The following COBL variants were observed in gnomAD, a reference collection of about 807,000 sequenced individuals.
COBL encodes cordon-bleu WH2 repeat protein.
In COBL, 51 loss-of-function variants were observed where a neutral mutation model predicts 98.8. The observed-to-expected ratio is 0.52, with a 90% confidence interval of 0.41 to 0.65. The LOEUF (loss-of-function observed/expected upper bound fraction) is 0.65. Ranked by LOEUF, COBL falls within the 30% of genes least tolerant of loss-of-function variation. The probability of loss-of-function intolerance (pLI) is 0.00; values close to 1 mark genes in which losing one functional copy is unlikely to be tolerated. For synonymous variants in COBL, 634 were observed against 651.7 expected (o/e 0.97, Z 0.41); for missense variants, 1,617 against 1,617.5 (o/e 1.00, Z 0.01).
chr7:51,194,645 G>A (rs750029382), intron 2 of COBL, among the ~76,000 whole-genome samples: 5 of 152,050 alleles, frequency 3.3e-5, no homozygotes, highest in African/African-American at 7.2e-5. Flanking sequence ...ACTTTTTCAT[G>A]ATAGCCCTTC....
intron 4 of COBL, among the ~76,000 whole-genome samples, chr7:51,186,039 G>C (rs1789467933): frequency 6.6e-6 from 1 of 152,256 alleles, no homozygotes; most frequent in African/African-American, 2.4e-5. Flanking sequence ...ACTGCAACAT[G>C]GTGCAGCAGC....
At chr7:51,263,394 C>T (rs1357669896) in intron 1 of COBL, among the ~76,000 whole-genome samples, 1 of 152,166 alleles carries the variant, frequency 6.6e-6, no homozygotes, top group Non-Finnish European at 1.5e-5. Context: ...ATATGTTTCA[C>T]AAACTGCTTT....
intron 5 of COBL, among the ~76,000 whole-genome samples, chr7:51,170,933 ATAAT>A (rs747674423): frequency 7.9e-5 from 12 of 152,180 alleles, no homozygotes; most frequent in Non-Finnish European, 1.8e-4. Context: ...CCACAAGGAA[ATAAT>A]TAATGTTTGA....
chr7:51,259,795 G>C, intron 1 of COBL: 1 of 751,616 alleles, frequency 1.3e-6, no homozygotes, highest in Admixed American at 1.7e-5. Context: ...TTAGGTTCTG[G>C]GGGGTGACTT....
rs564596741 is a variant in COBL, at chr7:51,021,985, T to C, written c.3768+3124A>G. Among the ~76,000 whole-genome samples, 14 of 152,278 alleles carry C rather than the reference T, an allele frequency of 9.2e-5. No individual in the cohort carries two copies. The South Asian group carries it at 2.5e-3, about 27-fold the overall frequency. ...GCACCTGAGTCTCCCTGATGAATGCTGAACAGAGGCCAGGAGGGCAGGTCG... is the reference window on the plus strand; with the variant it reads ...GCACCTGAGTCTCCCTGATGAATGCCGAACAGAGGCCAGGAGGGCAGGTCG... On this transcript the variant is annotated intron_variant, in intron 12 of 12. Coordinates refer to ENST00000265136, the MANE Select transcript of COBL (RefSeq NM_015198.5).
chr7:51,131,606 T>C (rs1390976293), intron 6 of COBL, among the ~76,000 whole-genome samples: 3 of 151,606 alleles, frequency 2.0e-5, no homozygotes, highest in East Asian at 1.9e-4. Flanking sequence ...TTTTTTTTTT[T>C]TTTCTGAAAT....
intron 1 of COBL, among the ~76,000 whole-genome samples, chr7:51,298,877 C>A (rs1243995100): frequency 6.6e-6 from 1 of 152,222 alleles, no homozygotes; most frequent in African/African-American, 2.4e-5. Flanking sequence ...GCTCTGAGGT[C>A]AAATCCACTT....
Position 51,209,330 on chromosome 7 carries a change from T to G in COBL, c.245+10411A>C, listed in dbSNP as rs184534741. 5.3e-5 allele frequency among the ~76,000 whole-genome samples: 8 copies of G among 152,196 alleles called. No individual in the cohort carries two copies. The East Asian group carries it at 1.5e-3, about 29-fold the overall frequency. ...CCTCATCCACTCTCCAGGAAGTGAT[T>G]AAGGAAGAGCAGGTGCCAGTAAGGA... On this transcript the variant is annotated intron_variant, in intron 2 of 12. Transcript: ENST00000265136.
In COBL at chr7:51,028,376, G is replaced by C. The variant is rs1165786224; in HGVS notation, c.2720C>G (p.Pro907Arg). 1 of 1,614,284 alleles carries C rather than the reference G, an allele frequency of 6.2e-7. No individual in the cohort carries two copies. The highest frequency in any genetic ancestry group is 2.2e-5 in the East Asian group (1 of 44,886). Residue 907 changes from proline to arginine, a missense_variant, in exon 10 of 13, where the codon CCT becomes CGT. Physicochemically the swap from Pro to Arg is moderately radical, Grantham distance 103. This residue lies in a region of COBL where 1,304 missense variants were observed against 1,282.0 expected (regional missense o/e 1.02). Transcript: ENST00000265136. Reference protein sequence around the residue: ...AGKAPVLAAPPVTVKDDRTSS... With the variant: ...AGKAPVLAAPRVTVKDDRTSS... The stretch of plus-strand genomic sequence containing the variant: ...TGTCCTGTCATCTTTCACAGTGACA[G>C]GTGGTGCAGCCAGCACTGGCGCCTT...
intron 1 of COBL, 140 bp from the exon 2 acceptor site, chr7:51,220,084 C>T (rs778469324): frequency 7.1e-6 from 5 of 701,214 alleles, no homozygotes; most frequent in Non-Finnish European, 1.2e-5. Flanking sequence ...CAATGTCCCC[C>T]AAACAAGTAA....
intron 12 of COBL, among the ~76,000 whole-genome samples, chr7:51,019,700 CAA>C (rs1407209203): frequency 1.3e-5 from 2 of 152,280 alleles, no homozygotes; most frequent in Non-Finnish European, 2.9e-5. Context: ...CAGTCACACG[CAA>C]AGAGTCTGCA....
At position 51,028,455 on chromosome 7, in the gene COBL, C is replaced by A; in HGVS notation, c.2641G>T (p.Val881Phe). The A allele has an allele frequency of 6.2e-7, 1 of 1,614,276 alleles. No homozygotes were observed. The highest frequency in any genetic ancestry group is 8.5e-7 in the Non-Finnish European group (1 of 1,180,054). The stretch of plus-strand genomic sequence containing the variant: ...TGTGGCCTCACCACATCAGCATGGA[C>A]TTTTGGGGCTCCTATGCGCTTGGCA... ...AIAKRIGAPKVHADVVRPHGY... is the reference protein window; with the variant it reads ...AIAKRIGAPKFHADVVRPHGY... Residue 881 changes from valine to phenylalanine, a missense_variant, in exon 10 of 13, where the codon GTC becomes TTC. Physicochemically the swap from Val to Phe is conservative, Grantham distance 50. This residue lies in a region of COBL where 1,304 missense variants were observed against 1,282.0 expected (regional missense o/e 1.02). Transcript: ENST00000265136.
At chr7:51,156,374 C>T in intron 5 of COBL, 1 of 985,350 alleles carries the variant, frequency 1.0e-6, no homozygotes, top group Non-Finnish European at 1.2e-6. Flanking sequence ...GCCAATACTT[C>T]CGAAATGTCC....
At chr7:51,134,286 T>C (rs970185865) in intron 6 of COBL, among the ~76,000 whole-genome samples, 7 of 152,258 alleles carry the variant, frequency 4.6e-5, no homozygotes, top group Non-Finnish European at 8.8e-5. Context: ...AAAAGGAAGA[T>C]GGTTTCCATG....
At chr7:51,037,294 A>G (rs954287127) in intron 8 of COBL, among the ~76,000 whole-genome samples, 1 of 152,206 alleles carries the variant, frequency 6.6e-6, no homozygotes, top group African/African-American at 2.4e-5. Context: ...AAGGCTAGCA[A>G]TGTATCAGGC....
Position 51,208,554 on chromosome 7 carries a change from G to T in COBL, c.245+11187C>A, listed in dbSNP as rs572955025. ...CTCTGCCCGGCCACCACCCCATCTG[G>T]GAGGCGTGCCCAGCGGCTCATTGAG... On this transcript the variant is annotated intron_variant, in intron 2 of 12. Coordinates refer to ENST00000265136, the MANE Select transcript of COBL (RefSeq NM_015198.5). Among the ~76,000 whole-genome samples, 17 of 152,362 alleles carry T rather than the reference G, an allele frequency of 1.1e-4. 1 individual carries two copies. In the East Asian group the frequency reaches 1.9e-3, roughly 17 times the overall value.
chr7:51,148,913 T>C (rs1482533347), intron 5 of COBL, among the ~76,000 whole-genome samples: 1 of 152,164 alleles, frequency 6.6e-6, no homozygotes, highest in East Asian at 1.9e-4. Flanking sequence ...TATACACATA[T>C]ATAACTTCAC....
chr7:51,082,305 G>A (rs1793734090), intron 7 of COBL, among the ~76,000 whole-genome samples: 3 of 152,096 alleles, frequency 2.0e-5, no homozygotes, highest in Admixed American at 6.5e-5. Context: ...CAGAAGTGTC[G>A]CCGCCCAGCT....
chr7:51,029,636 A>C (rs1455383318), intron 9 of COBL, 45 bp from the exon 10 acceptor site: 1 of 1,488,978 alleles, frequency 6.7e-7, no homozygotes, highest in Admixed American at 2.0e-5. Flanking sequence ...TCCCACACCA[A>C]TTACTTAGTG....
Sources: allele counts gnomAD v4.1 joint callset (sites outside exome capture counted in the v4.1 genomes callset), GRCh38; gene constraint gnomAD v4.1.1; regional missense constraint gnomAD v4.1.1; transcripts MANE v1.5; gene names NCBI Gene and HGNC (gene_info 2026-07-23, HGNC 2026-07-21).